Variants in TNS1 observed in about 807,000 individuals in gnomAD.
TNS1 encodes the protein tensin-1.
TNS1 carries 62 observed loss-of-function variants against 168.6 expected under a neutral mutation model. The ratio of observed to expected loss-of-function variants is 0.37; its 90% CI spans 0.30 to 0.45. TNS1 has a LOEUF of 0.45. TNS1 is among the 20% of genes least tolerant of loss of function. The pLI is 1.00. For synonymous variants in TNS1, 934 were observed against 933.2 expected (o/e 1.00, Z -0.02); for missense variants, 2,240 against 2,339.4 (o/e 0.96, Z 0.88).
intron 18 of TNS1, chr2:217,858,345 A>G: frequency 5.3e-6 from 1 of 188,744 alleles, no homozygotes; most frequent in Non-Finnish European, 9.9e-6. Context: ...AGCCCCACTC[A>G]GCCACAAGCC....
intron 3 of TNS1, among the ~76,000 whole-genome samples, chr2:217,952,244 C>G (rs966305928): frequency 3.3e-5 from 5 of 152,218 alleles, no homozygotes; most frequent in African/African-American, 1.2e-4. Flanking sequence ...CTCCCCATAC[C>G]TGGGAGTAGA....
At chr2:217,857,535 T>TGTCCCC (rs1242515272) in intron 18 of TNS1, among the ~76,000 whole-genome samples, 1 of 152,196 alleles carries the variant, frequency 6.6e-6, no homozygotes, top group Non-Finnish European at 1.5e-5. Context: ...ATGATAAATG[T>TGTCCCC]GTCCCCGGAC....
chr2:217,867,424 A>C (rs1367501487), intron 18 of TNS1, among the ~76,000 whole-genome samples: 2 of 152,272 alleles, frequency 1.3e-5, no homozygotes, highest in African/African-American at 4.8e-5. Context: ...AAGATTGGAA[A>C]CAGCTTAAAT....
chr2:217,951,340 C>A (rs1421793771), intron 3 of TNS1, among the ~76,000 whole-genome samples: 1 of 152,210 alleles, frequency 6.6e-6, no homozygotes, highest in African/African-American at 2.4e-5. Flanking sequence ...ATCTCTCTGT[C>A]ATGTATCTCC....
At chr2:218,014,913 A>C (rs59002891), upstream of TNS1, among the ~76,000 whole-genome samples, 16 of 82,192 alleles carry the variant, frequency 1.9e-4, no homozygotes, top group African/African-American at 4.6e-4. Flanking sequence ...GGAAGGAAGG[A>C]AGGAAGGAAG....
intron 18 of TNS1, among the ~76,000 whole-genome samples, chr2:217,873,815 G>T (rs1003844940): frequency 5.9e-5 from 9 of 152,172 alleles, no homozygotes; most frequent in African/African-American, 2.2e-4. Flanking sequence ...AATGCCTCCA[G>T]AATCTTCCAC....
chr2:217,877,729 A>C (rs534654611), intron 18 of TNS1, among the ~76,000 whole-genome samples: 153 of 152,218 alleles, frequency 1.0e-3, no homozygotes, highest in African/African-American at 3.3e-3. Flanking sequence ...TCCTGAGATG[A>C]TGGTTAAGTC....
At position 217,836,179 on chromosome 2, in the gene TNS1, G is replaced by A. The variant is rs1286690610; in HGVS notation, c.3040C>T (p.Pro1014Ser). Residue 1014 changes from proline to serine, a missense_variant, in exon 20 of 33, where the codon CCC (proline) becomes TCC (serine). Physicochemically the swap from Pro to Ser is moderately conservative, Grantham distance 74 (BLOSUM62 -1). This residue lies in a region of TNS1 where 2,131 missense variants were observed against 2,171.2 expected (regional missense o/e 0.98). Transcript: ENST00000682258. ...VQAREKQPAE[P>S]PAPLRRRAAS... Reference sequence around the variant, plus strand: ...GCCCGCCTCCGCAGAGGGGCTGGGGGCTCTGCAGGCTGCTTCTCCCGAGCC... The same window carrying A: ...GCCCGCCTCCGCAGAGGGGCTGGGGACTCTGCAGGCTGCTTCTCCCGAGCC... The A allele has an allele frequency of 1.2e-6, 2 of 1,612,710 alleles. No individual in the cohort carries two copies. Among genetic ancestry groups the A allele is most frequent in the East Asian group, 2.2e-5 (1 of 44,870 alleles).
intron 19 of TNS1, among the ~76,000 whole-genome samples, chr2:217,846,049 G>A (rs546108003): frequency 6.6e-6 from 1 of 152,098 alleles, no homozygotes; most frequent in African/African-American, 2.4e-5. Flanking sequence ...AAGCCAGGGG[G>A]GTATCTTTAT....
chr2:217,882,409 C>A lies in TNS1; in HGVS notation c.1249G>T (p.Asp417Tyr). ...KEDLDDAFKD[D>Y]RFPEYGKVEF... ...ACTTTGCCATACTCTGGAAATCGATCATCTGGAAAAAGAGAAGGAAAAATA... is the reference window on the plus strand; with the variant it reads ...ACTTTGCCATACTCTGGAAATCGATAATCTGGAAAAAGAGAAGGAAAAATA... Residue 417 changes from aspartate to tyrosine, a missense_variant and splice_region_variant, in exon 17 of 33, where the codon GAT (aspartate) becomes TAT (tyrosine). Physicochemically the swap from Asp to Tyr is radical, Grantham distance 160. Transcript: ENST00000682258. The A allele has an allele frequency of 1.3e-6, 2 of 1,598,044 alleles. No homozygotes were observed. Among genetic ancestry groups the A allele is most frequent in the South Asian group, 2.3e-5 (2 of 86,584 alleles).
At chr2:217,960,211 C>T (rs527267088) in intron 3 of TNS1, among the ~76,000 whole-genome samples, 37 of 152,280 alleles carry the variant, frequency 2.4e-4, no homozygotes, top group South Asian at 1.2e-3. Flanking sequence ...ACAACATGTA[C>T]CATTTACAAA....
At chr2:217,819,889 T>C (rs567635402) in intron 23 of TNS1, among the ~76,000 whole-genome samples, 4 of 152,258 alleles carry the variant, frequency 2.6e-5, no homozygotes, top group African/African-American at 7.2e-5. Context: ...AGCTGCAGGC[T>C]GGAAGGATCT....
At chr2:218,027,231 T>A (rs1958856202) in intron 1 of TNS1, among the ~76,000 whole-genome samples, 2 of 151,882 alleles carry the variant, frequency 1.3e-5, no homozygotes, top group African/African-American at 4.8e-5. Context: ...ATAGTTTAAA[T>A]CATCGGTCCC....
At chr2:217,840,063 T>A (rs990859060) in intron 19 of TNS1, among the ~76,000 whole-genome samples, 4 of 152,124 alleles carry the variant, frequency 2.6e-5, no homozygotes, top group Admixed American at 6.5e-5. Context: ...GGAGGGGCGG[T>A]TGAAGGGAGC....
chr2:218,031,105 T>G (rs1009145840), intron 1 of TNS1, among the ~76,000 whole-genome samples: 2 of 114,434 alleles, frequency 1.7e-5, no homozygotes, highest in African/African-American at 1.2e-4. Context: ...TGTCTGTGTG[T>G]ATGAGTGTGT....
chr2:217,814,035 T>C, intron 25 of TNS1: 1 of 398,556 alleles, frequency 2.5e-6, no homozygotes, highest in Non-Finnish European at 4.3e-6. Context: ...CGGGCCTCAC[T>C]CTGTCACTCA....
chr2:217,950,824 C>A (rs975815999), intron 3 of TNS1, among the ~76,000 whole-genome samples: 1 of 151,786 alleles, frequency 6.6e-6, no homozygotes, highest in Admixed American at 6.6e-5. Flanking sequence ...CACCTTCCTT[C>A]CCCTCCCCTG....
upstream of TNS1, among the ~76,000 whole-genome samples, chr2:218,012,919 G>A (rs561876003): frequency 4.0e-4 from 61 of 152,102 alleles, no homozygotes; most frequent in South Asian, 0.012. Flanking sequence ...TCTCAGTCTT[G>A]ATCCCTTTTC....
At chr2:217,923,397 G>A (rs185938070) in intron 3 of TNS1, among the ~76,000 whole-genome samples, 218 of 152,346 alleles carry the variant, frequency 1.4e-3, no homozygotes, top group Middle Eastern at 3.4e-3. Context: ...CTCTGTGCCA[G>A]GCACTGTTCT....
Sources: gnomAD v4.1 joint callset for allele counts (sites outside exome capture counted in the v4.1 genomes callset) on GRCh38, gnomAD v4.1.1 for gene constraint, gnomAD v4.1.1 regional missense constraint, MANE v1.5 for transcripts, NCBI Gene and HGNC (gene_info 2026-07-23, HGNC 2026-07-21) for gene names.